STAG1: variants seen among roughly 807,000 people sequenced by gnomAD.
STAG1 encodes STAG1 cohesin complex component, also known as cohesin subunit SA-1.
A neutral mutation model predicts 170.9 loss-of-function variants in STAG1; 26 were observed. The ratio of observed to expected loss-of-function variants is 0.15; its 90% CI spans 0.11 to 0.21. The LOEUF is 0.21. STAG1 is among the 10% of genes least tolerant of loss of function. The pLI, the probability that STAG1 is intolerant of heterozygous loss-of-function variation, is 1.00. For missense variants in STAG1, 964 were observed against 1,509.5 expected, an observed-to-expected ratio of 0.64 and a Z score of 5.99; for synonymous variants, 514 against 497.7, an observed-to-expected ratio of 1.03 and a Z score of -0.44.
intron 1 of STAG1, among the ~76,000 whole-genome samples, chr3:136,652,951 G>T (rs912105027): frequency 6.6e-6 from 1 of 152,104 alleles, no homozygotes; most frequent in African/African-American, 2.4e-5. Context: ...GTCCCACGGA[G>T]GAAATAAGGG....
chr3:136,574,800 T>C (rs941014353), intron 4 of STAG1, among the ~76,000 whole-genome samples: 1 of 152,150 alleles, frequency 6.6e-6, no homozygotes, highest in Non-Finnish European at 1.5e-5. Flanking sequence ...GTATAGAAGA[T>C]AGGGATAAAA....
In STAG1 at chr3:136,405,517, T is replaced by C. The variant is rs375394613; in HGVS notation, c.2197-6688A>G. Among the ~76,000 whole-genome samples the C allele has an allele frequency of 2.2e-4, 34 of 151,950 alleles. No homozygotes were observed. In the East Asian group the frequency reaches 5.0e-3, roughly 23 times the overall value. On this transcript the variant is annotated intron_variant, in intron 21 of 33. Coordinates refer to ENST00000383202, the MANE Select transcript of STAG1 (RefSeq NM_005862.3). ...TCGACCTCTCAAAGTGCTGGGATTATAGACATAGGACACCGCGTCCAGCCT... is the reference window on the plus strand; with the variant it reads ...TCGACCTCTCAAAGTGCTGGGATTACAGACATAGGACACCGCGTCCAGCCT...
chr3:136,651,479 T>C (rs1941215113), intron 1 of STAG1, among the ~76,000 whole-genome samples: 1 of 151,940 alleles, frequency 6.6e-6, no homozygotes, highest in Admixed American at 6.6e-5. Flanking sequence ...ATTAAAATAT[T>C]AAAAATCTTG....
intron 21 of STAG1, among the ~76,000 whole-genome samples, chr3:136,399,364 T>C (rs983709165): frequency 6.6e-6 from 1 of 152,192 alleles, no homozygotes; most frequent in African/African-American, 2.4e-5. Flanking sequence ...TATAATTATC[T>C]TTCTTCTCCC....
chr3:136,358,088 ATTTT>A (rs68065485), intron 27 of STAG1, among the ~76,000 whole-genome samples: 2 of 140,678 alleles, frequency 1.4e-5, no homozygotes, highest in Admixed American at 7.1e-5. Flanking sequence ...CTAAATTCGT[ATTTT>A]TTTTTTTTTT....
chr3:136,360,381 CT>C (rs1372050838), intron 26 of STAG1, among the ~76,000 whole-genome samples: 20 of 152,182 alleles, frequency 1.3e-4, no homozygotes, highest in Non-Finnish European at 2.6e-4. Flanking sequence ...TAAAAATACT[CT>C]TAACTTCTTG....
At chr3:136,744,674 T>C (rs1013360255) in intron 1 of STAG1, among the ~76,000 whole-genome samples, 2 of 31,182 alleles carry the variant, frequency 6.4e-5, no homozygotes, top group African/African-American at 2.0e-4. Context: ...TGCAACCATC[T>C]TTTTTTTTTT....
intron 4 of STAG1, among the ~76,000 whole-genome samples, chr3:136,603,423 G>T (rs1938773521): frequency 6.6e-6 from 1 of 151,972 alleles, no homozygotes; most frequent in Non-Finnish European, 1.5e-5. Context: ...ATTTTAAAAT[G>T]TTAAAAATGT....
intron 1 of STAG1, among the ~76,000 whole-genome samples, chr3:136,673,588 T>C (rs1009669730): frequency 2.0e-5 from 3 of 152,162 alleles, no homozygotes; most frequent in Non-Finnish European, 4.4e-5. Context: ...TGTATGTATG[T>C]ACATGCCACA....
chr3:136,465,558 C>CAAAAAA (rs11364802), intron 12 of STAG1, among the ~76,000 whole-genome samples: 86 of 48,226 alleles, frequency 1.8e-3, no homozygotes, highest in Admixed American at 2.4e-3. Context: ...ACTCTTGCCT[C>CAAAAAA]AAAAAAAAAA....
chr3:136,668,816 A>G (rs1941894593), intron 1 of STAG1, among the ~76,000 whole-genome samples: 1 of 152,216 alleles, frequency 6.6e-6, no homozygotes, highest in Non-Finnish European at 1.5e-5. Context: ...GGAAGCTATC[A>G]GCTAACACTC....
rs374980869 is a variant in STAG1 at position 136,340,475 on chromosome 3, T to C, written c.3672+16A>G. On this transcript the variant is annotated intron_variant, in intron 32 of 33. Transcript: ENST00000383202. ...CACATATTTTAACAAAAGAAAAATA[T>C]AGTGAATTTCTCTACCAGATCAATA... is the stretch of plus-strand genomic sequence containing the variant. The C allele has an allele frequency of 2.4e-4, 361 of 1,517,942 alleles. No individual in the cohort carries two copies. The highest frequency in any genetic ancestry group is 8.5e-4 in the Middle Eastern group (5 of 5,884). 94.0% of individuals were successfully genotyped at this position (1,517,942 alleles called of 1,614,324 possible). A position where few individuals can be genotyped will look rare whatever the true frequency, so the allele number is the denominator to read the frequency against.
chr3:136,362,350 T>C (rs1340440894), intron 26 of STAG1, among the ~76,000 whole-genome samples: 1 of 152,208 alleles, frequency 6.6e-6, no homozygotes, highest in Non-Finnish European at 1.5e-5. Context: ...ATGGGATTTA[T>C]TTATCTTTCC....
At chr3:136,526,221 G>C (rs1156895866) in intron 6 of STAG1, among the ~76,000 whole-genome samples, 1 of 152,136 alleles carries the variant, frequency 6.6e-6, no homozygotes, top group African/African-American at 2.4e-5. Flanking sequence ...TAATTATTGT[G>C]TGGGAGTCTA....
intron 7 of STAG1, among the ~76,000 whole-genome samples, chr3:136,506,853 A>G (rs1342097832): frequency 6.6e-6 from 1 of 152,200 alleles, no homozygotes; most frequent in Non-Finnish European, 1.5e-5. Context: ...ATAAAACTAG[A>G]TGGAAATTAG....
At chr3:136,688,848 G>T (rs1161981543) in intron 1 of STAG1, among the ~76,000 whole-genome samples, 1 of 152,178 alleles carries the variant, frequency 6.6e-6, no homozygotes, top group African/African-American at 2.4e-5. Flanking sequence ...CCAAAGGATG[G>T]ACAGCTTTCA....
chr3:136,742,845 G>A (rs979898677), intron 1 of STAG1, among the ~76,000 whole-genome samples: 2 of 152,132 alleles, frequency 1.3e-5, no homozygotes, highest in South Asian at 2.1e-4. Flanking sequence ...TCTGAGTAAT[G>A]TAGCAGTGCT....
chr3:136,608,573 G>GGTA (rs1353503473), intron 3 of STAG1, among the ~76,000 whole-genome samples: 2 of 145,500 alleles, frequency 1.4e-5, no homozygotes, highest in East Asian at 4.0e-4. Context: ...CCAGCACAGG[G>GGTA]GTAGACAAGG....
chr3:136,667,699 T>C (rs986197554), intron 1 of STAG1, among the ~76,000 whole-genome samples: 1 of 152,116 alleles, frequency 6.6e-6, no homozygotes, highest in African/African-American at 2.4e-5. Flanking sequence ...TTTCACCATG[T>C]TGGCCAGGGT....
Sources: allele counts gnomAD v4.1 joint callset (sites outside exome capture counted in the v4.1 genomes callset), GRCh38; gene constraint gnomAD v4.1.1; transcripts MANE v1.5; gene names NCBI Gene and HGNC (gene_info 2026-07-23, HGNC 2026-07-21).